The following SH3RF3 variants were observed in gnomAD, a reference collection of about 807,000 sequenced individuals.
SH3RF3 encodes the protein E3 ubiquitin-protein ligase SH3RF3.
A neutral mutation model predicts 66.3 loss-of-function variants in SH3RF3; 29 were observed. The observed-to-expected ratio is 0.44, with a 90% CI of 0.33 to 0.60. The LOEUF is 0.60. Ranked by LOEUF, SH3RF3 falls within the 20% of genes least tolerant of loss-of-function variation. The probability of loss-of-function intolerance (pLI) is 0.04; values close to 1 mark genes in which losing one functional copy is unlikely to be tolerated. For synonymous variants in SH3RF3, 583 were observed against 532.0 expected (o/e 1.10, Z -1.32); for missense variants, 1,194 against 1,190.9 (o/e 1.00, Z -0.04).
intron 1 of SH3RF3, among the ~76,000 whole-genome samples, chr2:109,255,725 C>T (rs11893521): frequency 0.24 from 36,942 of 152,084 alleles, 4,925 homozygotes; most frequent in East Asian, 0.46. Context: ...TGGTCATTTC[C>T]GATAAGCTAC....
intron 1 of SH3RF3, among the ~76,000 whole-genome samples, chr2:109,276,114 G>A (rs746019683): frequency 6.6e-6 from 1 of 152,166 alleles, no homozygotes; most frequent in Non-Finnish European, 1.5e-5. Context: ...CCCAGTGATG[G>A]TAGAAGGCAT....
At chr2:109,339,049 T>C (rs911305134) in intron 1 of SH3RF3, among the ~76,000 whole-genome samples, 20 of 152,264 alleles carry the variant, frequency 1.3e-4, no homozygotes, top group African/African-American at 4.6e-4. Context: ...TTACTACTCA[T>C]TAAGTGGAAG....
chr2:109,225,676 A>AT, intron 1 of SH3RF3, among the ~76,000 whole-genome samples: 1 of 152,396 alleles, frequency 6.6e-6, no homozygotes, highest in South Asian at 2.1e-4. Context: ...TTTCCTGTAA[A>AT]TATCAGGAAC....
intron 1 of SH3RF3, among the ~76,000 whole-genome samples, chr2:109,308,362 A>G (rs1406425050): frequency 6.0e-5 from 6 of 100,702 alleles, no homozygotes; most frequent in Non-Finnish European, 1.1e-4. Flanking sequence ...ATTTTCTCCC[A>G]TTTTGTAGGT....
chr2:109,235,691 A>G (rs114993362), intron 1 of SH3RF3, among the ~76,000 whole-genome samples: 1,952 of 152,274 alleles, frequency 0.013, 20 homozygotes, highest in South Asian at 0.024. Flanking sequence ...CTACCAACAT[A>G]AAGATTGAAG....
intron 3 of SH3RF3, among the ~76,000 whole-genome samples, chr2:109,389,593 GGTGCATGCCACTCT>G (rs1675925992): frequency 6.6e-6 from 1 of 152,026 alleles, no homozygotes; most frequent in Non-Finnish European, 1.5e-5. Flanking sequence ...TCCAAGGTAG[GGTGCATGCCACTCT>G]GTGCAAAGAA....
At chr2:109,219,189 G>T (rs1041346701) in intron 1 of SH3RF3, among the ~76,000 whole-genome samples, 2 of 152,220 alleles carry the variant, frequency 1.3e-5, no homozygotes, top group African/African-American at 4.8e-5. Flanking sequence ...TGGAGCATGG[G>T]AGGATCCTGA....
At chr2:109,143,733 A>C (rs1306175553) in intron 1 of SH3RF3, among the ~76,000 whole-genome samples, 1 of 151,126 alleles carries the variant, frequency 6.6e-6, no homozygotes, top group East Asian at 1.9e-4. Flanking sequence ...CAGCCTGGGC[A>C]ACAGAGTGAC....
intron 2 of SH3RF3, among the ~76,000 whole-genome samples, chr2:109,358,801 A>G (rs1683001804): frequency 6.6e-6 from 1 of 152,254 alleles, no homozygotes; most frequent in Non-Finnish European, 1.5e-5. Flanking sequence ...AGTCTAACTT[A>G]TCAATTCTTT....
intron 1 of SH3RF3, among the ~76,000 whole-genome samples, chr2:109,277,702 C>G (rs1470781660): frequency 2.6e-5 from 4 of 152,200 alleles, no homozygotes; most frequent in African/African-American, 9.7e-5. Context: ...TGAGGAGCCC[C>G]AGGTGTATTG....
intron 1 of SH3RF3, among the ~76,000 whole-genome samples, chr2:109,310,247 T>C (rs1168089210): frequency 4.1e-5 from 2 of 49,260 alleles, no homozygotes; most frequent in Non-Finnish European, 6.7e-5. Context: ...GACTACTGGG[T>C]ACATAACGAA....
At chr2:109,432,379 T>C (rs1677255975) in intron 5 of SH3RF3, 122 bp from the exon 6 acceptor site, 2 of 1,261,864 alleles carry the variant, frequency 1.6e-6, no homozygotes, top group Admixed American at 2.1e-5. Flanking sequence ...AGAGCCCCCA[T>C]AGACTCTAGT....
intron 1 of SH3RF3, among the ~76,000 whole-genome samples, chr2:109,278,213 C>G (rs1003049179): frequency 6.6e-6 from 1 of 151,976 alleles, no homozygotes; most frequent in Non-Finnish European, 1.5e-5. Context: ...TTCACCAGGA[C>G]TATTTTCTCT....
intron 1 of SH3RF3, among the ~76,000 whole-genome samples, chr2:109,174,463 T>C (rs1677872188): frequency 6.6e-6 from 1 of 151,978 alleles, no homozygotes; most frequent in Admixed American, 6.6e-5. Flanking sequence ...CTGATCAGAG[T>C]AGGCACCAGG....
intron 8 of SH3RF3, among the ~76,000 whole-genome samples, chr2:109,476,631 G>A (rs527274512): frequency 3.9e-5 from 6 of 152,182 alleles, no homozygotes; most frequent in Admixed American, 3.9e-4. Context: ...CAGGAAAGGG[G>A]TCCCAATCCA....
intron 6 of SH3RF3, among the ~76,000 whole-genome samples, chr2:109,435,430 G>T (rs1483534733): frequency 6.6e-6 from 1 of 152,246 alleles, no homozygotes; most frequent in Non-Finnish European, 1.5e-5. Context: ...ACTCCTTCCT[G>T]CATAGACCTG....
chr2:109,439,102 A>T (rs1478960041), intron 7 of SH3RF3, among the ~76,000 whole-genome samples: 1 of 152,198 alleles, frequency 6.6e-6, no homozygotes, highest in Non-Finnish European at 1.5e-5. Flanking sequence ...GAGCCCTGCC[A>T]GTCACTTCTC....
chr2:109,274,070 C>T (rs1309722557), intron 1 of SH3RF3, among the ~76,000 whole-genome samples: 1 of 152,108 alleles, frequency 6.6e-6, no homozygotes, highest in East Asian at 1.9e-4. Context: ...AACATTACTG[C>T]TATTTTATTA....
At position 109,197,598 on chromosome 2, in the gene SH3RF3, G is replaced by A. The variant is rs181440606; in HGVS notation, c.573+67485G>A. 2.2e-4 allele frequency among the ~76,000 whole-genome samples: 33 copies of A among 152,308 alleles called. No homozygotes were observed. In the East Asian group the frequency reaches 4.5e-3, roughly 21 times the overall value. On this transcript the variant is annotated intron_variant, in intron 1 of 9. Coordinates refer to ENST00000309415, the MANE Select transcript of SH3RF3 (RefSeq NM_001099289.3). ...GCCCTTTTAGGGGGACCTGTGCTTG[G>A]GGTTTAATGCTCTGCAGTTGCTGTT...
Sources: gnomAD v4.1 joint callset for allele counts (sites outside exome capture counted in the v4.1 genomes callset) on GRCh38, gnomAD v4.1.1 for gene constraint, MANE v1.5 for transcripts, NCBI Gene and HGNC (gene_info 2026-07-23, HGNC 2026-07-21) for gene names.